Variants in FMNL2 observed in about 807,000 individuals in gnomAD.
The protein encoded by FMNL2 is formin like 2, also known as formin-like protein 2.
In FMNL2, 51 loss-of-function variants were observed where a neutral mutation model predicts 130.2. The observed-to-expected ratio is 0.39, with a 90% confidence interval of 0.31 to 0.49. The LOEUF (loss-of-function observed/expected upper bound fraction) is 0.49. Among genes scored for constraint, FMNL2 ranks in the 20% least tolerant of loss-of-function variants. The probability of loss-of-function intolerance (pLI) is 0.85; values close to 1 mark genes in which losing one functional copy is unlikely to be tolerated. For missense variants in FMNL2, 977 were observed against 1,316.2 expected (o/e 0.74, Z 3.99); for synonymous variants, 465 against 467.1 (o/e 1.00, Z 0.06).
chr2:152,432,636 C>A lies in FMNL2; in HGVS notation c.118-89307C>A, dbSNP rs148646868. 4.0e-4 allele frequency among the ~76,000 whole-genome samples: 61 copies of A among 152,306 alleles called. 1 individual carries two copies. The East Asian group carries it at 0.011, about 27-fold the overall frequency. On this transcript the variant is annotated intron_variant, in intron 1 of 25. Coordinates refer to ENST00000288670, the MANE Select transcript of FMNL2 (RefSeq NM_052905.4). The stretch of plus-strand genomic sequence containing the variant: ...TTTATTCTGAGGATAGACTTCCCTG[C>A]CATTGCAAGTAGACCTTCTGTCAGT...
At chr2:152,336,573 C>T (rs888799213) in intron 1 of FMNL2, among the ~76,000 whole-genome samples, 5 of 152,190 alleles carry the variant, frequency 3.3e-5, no homozygotes, top group African/African-American at 4.8e-5. Flanking sequence ...CCCTCTTTCT[C>T]CCTTTCCTGC....
intron 13 of FMNL2, 107 bp downstream of exon 13, chr2:152,617,299 C>A: frequency 1.0e-6 from 1 of 976,496 alleles, no homozygotes. Context: ...TGCATTGATG[C>A]AGCATATTTA....
intron 1 of FMNL2, among the ~76,000 whole-genome samples, chr2:152,469,218 C>T (rs1200975868): frequency 1.3e-5 from 2 of 152,200 alleles, no homozygotes; most frequent in African/African-American, 4.8e-5. Flanking sequence ...TTGTCTGCTG[C>T]TCACCACTTC....
chr2:152,613,857 G>A (rs2105875315), intron 11 of FMNL2, among the ~76,000 whole-genome samples: 1 of 152,278 alleles, frequency 6.6e-6, no homozygotes, highest in East Asian at 1.9e-4. Flanking sequence ...GTTACTTGTA[G>A]GGAAGATTCA....
rs545690707 is a variant in FMNL2, at chr2:152,383,851, C to T, written c.117+48131C>T. Among the ~76,000 whole-genome samples, 12 of 152,236 alleles carry T rather than the reference C, an allele frequency of 7.9e-5. No individual in the cohort carries two copies. The South Asian group carries it at 2.3e-3, about 29-fold the overall frequency. On this transcript the variant is annotated intron_variant, in intron 1 of 25. Coordinates refer to ENST00000288670, the MANE Select transcript of FMNL2 (RefSeq NM_052905.4). Reference sequence around the variant, plus strand: ...AAGTCATCATCAGTTTGATGATTAGCATCTGTTTTATTTAGAGAATTTTGA... The same window carrying T: ...AAGTCATCATCAGTTTGATGATTAGTATCTGTTTTATTTAGAGAATTTTGA...
At chr2:152,377,941 G>A (rs925389466) in intron 1 of FMNL2, among the ~76,000 whole-genome samples, 7 of 151,868 alleles carry the variant, frequency 4.6e-5, no homozygotes, top group African/African-American at 1.7e-4. Context: ...AGACCACCCT[G>A]CCTCTACTAA....
intron 1 of FMNL2, among the ~76,000 whole-genome samples, chr2:152,373,885 A>T (rs1195059710): frequency 3.3e-5 from 5 of 151,306 alleles, no homozygotes; most frequent in Non-Finnish European, 7.4e-5. Context: ...TTTTTTTTGC[A>T]CTAGAAATCA....
chr2:152,373,627 A>G (rs1271222373), intron 1 of FMNL2, among the ~76,000 whole-genome samples: 3 of 152,288 alleles, frequency 2.0e-5, no homozygotes, highest in East Asian at 3.9e-4. Context: ...TCCTAACGCA[A>G]TGTCTACACA....
chr2:152,370,299 C>T (rs1044032574), intron 1 of FMNL2, among the ~76,000 whole-genome samples: 2 of 152,104 alleles, frequency 1.3e-5, no homozygotes, highest in Non-Finnish European at 2.9e-5. Context: ...AGAAAGAGAA[C>T]TAGGAAGCTC....
At chr2:152,486,106 G>A (rs905935841) in intron 1 of FMNL2, among the ~76,000 whole-genome samples, 11 of 152,116 alleles carry the variant, frequency 7.2e-5, no homozygotes, top group Admixed American at 7.2e-4. Flanking sequence ...ATGGTTACTG[G>A]GAACTGAGCT....
In FMNL2 at chr2:152,637,593, G is replaced by C. The variant is rs369130070; in HGVS notation, c.2865G>C (p.Val955=). ...CACAGGATGCCTTTGATGATGTTGT[G>C]AAGTATTTTGGAGAAAACCCCAAGA... ...KIAQDAFDDV[V]KYFGENPKTT... is the part of the protein sequence containing the mutation. The change falls in exon 23 of 26, where the codon GTG becomes GTC. Residue 955 remains valine (V), a synonymous_variant. Coordinates refer to ENST00000288670, the MANE Select transcript of FMNL2 (RefSeq NM_052905.4). The C allele has an allele frequency of 2.2e-5, 35 of 1,613,948 alleles. No individual in the cohort carries two copies. The highest frequency in any genetic ancestry group is 2.8e-5 in the Non-Finnish European group (33 of 1,179,862).
At chr2:152,602,422 A>G (rs916480591) in intron 9 of FMNL2, among the ~76,000 whole-genome samples, 16 of 152,166 alleles carry the variant, frequency 1.1e-4, no homozygotes, top group African/African-American at 3.4e-4. Flanking sequence ...CCCAGCTGCT[A>G]GCAGTAGTAG....
At chr2:152,519,314 G>A (rs148871466) in intron 1 of FMNL2, among the ~76,000 whole-genome samples, 2 of 152,216 alleles carry the variant, frequency 1.3e-5, no homozygotes, top group African/African-American at 4.8e-5. Context: ...TGGGCATCGC[G>A]TCTGTTTGGA....
At chr2:152,586,877 T>C (rs1697109514) in intron 9 of FMNL2, among the ~76,000 whole-genome samples, 1 of 152,242 alleles carries the variant, frequency 6.6e-6, no homozygotes, top group Admixed American at 6.5e-5. Flanking sequence ...TTTAGGCTCC[T>C]GGCTTCTGTG....
intron 25 of FMNL2, among the ~76,000 whole-genome samples, chr2:152,644,283 C>A (rs1244111830): frequency 6.6e-6 from 1 of 152,166 alleles, no homozygotes; most frequent in Non-Finnish European, 1.5e-5. Context: ...ATTAACCTAG[C>A]CCTTTTATCC....
chr2:152,497,238 A>G (rs1691564100), intron 1 of FMNL2, among the ~76,000 whole-genome samples: 1 of 152,200 alleles, frequency 6.6e-6, no homozygotes, highest in African/African-American at 2.4e-5. Flanking sequence ...ATTCTAAGCT[A>G]CACACATAGT....
rs1307108378 is a variant in FMNL2, at chr2:152,649,386, A to AAT, written c.*1490_*1491dup. The AAT allele has an allele frequency of 5.9e-5, 9 of 152,438 alleles. No individual in the cohort carries two copies. Among genetic ancestry groups the AAT allele is most frequent in the Non-Finnish European group, 1.2e-4 (8 of 67,996 alleles). The allele number at this position is 152,438 out of a possible 1,614,324, so 9.4% of individuals were successfully genotyped here. On this transcript the variant is annotated 3_prime_UTR_variant, in exon 26 of 26. Transcript: ENST00000288670. ...GTTATTTTAACTTATAGTTTTTTTT[A>AAT]ATATATATATTTAACTATAAGGACA...
chr2:152,555,885 T>C (rs776867024), intron 4 of FMNL2, among the ~76,000 whole-genome samples: 2 of 152,250 alleles, frequency 1.3e-5, no homozygotes, highest in African/African-American at 2.4e-5. Context: ...ATGGAACTAA[T>C]TTGCTATGGG....
At chr2:152,415,119 A>G (rs1486916841) in intron 1 of FMNL2, among the ~76,000 whole-genome samples, 1 of 151,820 alleles carries the variant, frequency 6.6e-6, no homozygotes, top group Non-Finnish European at 1.5e-5. Context: ...CCTACAGCAG[A>G]GGTGTGAATC....
Sources: allele counts gnomAD v4.1 joint callset (sites outside exome capture counted in the v4.1 genomes callset), GRCh38; gene constraint gnomAD v4.1.1; transcripts MANE v1.5; gene names NCBI Gene and HGNC (gene_info 2026-07-23, HGNC 2026-07-21).